Variants in NTM observed in about 807,000 individuals in gnomAD.
The protein encoded by NTM is IgLON family member 2.
NTM carries 13 observed loss-of-function variants against 42.1 expected under a neutral mutation model. The ratio of observed to expected loss-of-function variants is 0.31; its 90% CI spans 0.20 to 0.49. The LOEUF (loss-of-function observed/expected upper bound fraction) is 0.49, where lower values mean the gene tolerates loss of function less well. NTM is among the 20% of genes least tolerant of loss of function. NTM has a pLI of 0.99. For synonymous variants in NTM, 187 were observed against 179.2 expected (o/e 1.04, Z -0.35); for missense variants, 373 against 452.8 (o/e 0.82, Z 1.60).
At chr11:131,475,407 C>T (rs1386796652) in intron 1 of NTM, among the ~76,000 whole-genome samples, 2 of 152,082 alleles carry the variant, frequency 1.3e-5, no homozygotes, top group East Asian at 3.8e-4. Flanking sequence ...TGAGCTCCCA[C>T]ACATGAGAAG....
intron 1 of NTM, among the ~76,000 whole-genome samples, chr11:131,492,343 A>C (rs144840274): frequency 2.6e-5 from 4 of 152,350 alleles, no homozygotes; most frequent in African/African-American, 9.6e-5. Flanking sequence ...GCTGAAAGCC[A>C]ACCCTTGAGT....
intron 1 of NTM, among the ~76,000 whole-genome samples, chr11:131,837,907 T>C (rs777988000): frequency 2.4e-4 from 36 of 152,234 alleles, no homozygotes; most frequent in Non-Finnish European, 4.4e-4. Flanking sequence ...TAATACCAGG[T>C]TTTATACTAA....
At chr11:132,138,339 C>G (rs554414385) in intron 2 of NTM, among the ~76,000 whole-genome samples, 3 of 151,982 alleles carry the variant, frequency 2.0e-5, no homozygotes, top group Non-Finnish European at 4.4e-5. Flanking sequence ...AAAAGCTTGC[C>G]GGTATATGAA....
At chr11:131,862,534 T>C (rs1390092008) in intron 1 of NTM, among the ~76,000 whole-genome samples, 1 of 152,240 alleles carries the variant, frequency 6.6e-6, no homozygotes, top group Non-Finnish European at 1.5e-5. Flanking sequence ...TTGTTATGTA[T>C]GAATCGAGGG....
chr11:132,090,542 T>G (rs1490623172), intron 2 of NTM, among the ~76,000 whole-genome samples: 1 of 152,136 alleles, frequency 6.6e-6, no homozygotes, highest in East Asian at 1.9e-4. Flanking sequence ...CTCTAGCTCT[T>G]CAGTCACTGA....
chr11:132,176,143 A>G (rs1483382021), intron 3 of NTM, among the ~76,000 whole-genome samples: 1 of 152,174 alleles, frequency 6.6e-6, no homozygotes, highest in Admixed American at 6.5e-5. Context: ...GTGTAACTGT[A>G]TGTGGAAGAG....
chr11:132,141,086 G>C (rs1451770101), intron 2 of NTM: 1 of 152,194 alleles, frequency 6.6e-6, no homozygotes, highest in Non-Finnish European at 1.5e-5. Context: ...TTTAAGAAAG[G>C]CCAAGCCTGG....
intron 1 of NTM, among the ~76,000 whole-genome samples, chr11:131,734,128 C>T (rs891525295): frequency 6.6e-6 from 1 of 152,130 alleles, no homozygotes; most frequent in East Asian, 1.9e-4. Context: ...GGAGGAGAGA[C>T]AAGAGAAGAC....
intron 2 of NTM, among the ~76,000 whole-genome samples, chr11:131,926,465 G>C (rs1044147813): frequency 1.2e-4 from 18 of 152,222 alleles, no homozygotes; most frequent in African/African-American, 4.1e-4. Context: ...GCCATGCAGG[G>C]AATAGCGTGC....
chr11:132,096,033 G>C (rs978578621), intron 2 of NTM, among the ~76,000 whole-genome samples: 8 of 152,150 alleles, frequency 5.3e-5, no homozygotes, highest in African/African-American at 1.9e-4. Context: ...CTGCCCCCAG[G>C]CCCCATGATC....
chr11:132,240,469 C>T (rs546374588), intron 4 of NTM, among the ~76,000 whole-genome samples: 2 of 152,322 alleles, frequency 1.3e-5, no homozygotes, highest in Admixed American at 6.5e-5. Context: ...TTTCTTGTAG[C>T]GTCTCCAATT....
intron 1 of NTM, among the ~76,000 whole-genome samples, chr11:131,511,200 T>C (rs1325510264): frequency 6.6e-6 from 1 of 152,176 alleles, no homozygotes; most frequent in Non-Finnish European, 1.5e-5. Flanking sequence ...CAGAGGCATC[T>C]GAGCAGGGAA....
At chr11:131,639,046 A>G (rs2064800555) in intron 1 of NTM, among the ~76,000 whole-genome samples, 1 of 152,240 alleles carries the variant, frequency 6.6e-6, no homozygotes, top group African/African-American at 2.4e-5. Context: ...TGAGACACAG[A>G]GAGGTCAAGT....
chr11:131,844,430 C>T (rs2044669539), intron 1 of NTM, among the ~76,000 whole-genome samples: 1 of 152,140 alleles, frequency 6.6e-6, no homozygotes, highest in Admixed American at 6.5e-5. Flanking sequence ...CCATCCTACT[C>T]TTCAAGTTCA....
At chr11:132,194,847 G>A (rs1033145186) in intron 3 of NTM, among the ~76,000 whole-genome samples, 1 of 135,224 alleles carries the variant, frequency 7.4e-6, no homozygotes, top group African/African-American at 2.7e-5. Context: ...TTCTGAGACA[G>A]GGTCTCACTC....
chr11:131,829,168 A>G (rs1460519466), intron 1 of NTM, among the ~76,000 whole-genome samples: 1 of 151,658 alleles, frequency 6.6e-6, no homozygotes, highest in Admixed American at 6.6e-5. Flanking sequence ...TTTCTGTTTA[A>G]GAGTCACTTA....
intron 2 of NTM, among the ~76,000 whole-genome samples, chr11:132,108,200 C>T (rs930795906): frequency 6.6e-6 from 1 of 152,150 alleles, no homozygotes; most frequent in Non-Finnish European, 1.5e-5. Flanking sequence ...CAAAATATAT[C>T]CCCACTTCAT....
At chr11:131,751,279 AAAATAAAT>A (rs1223466043) in intron 1 of NTM, among the ~76,000 whole-genome samples, 2 of 151,692 alleles carry the variant, frequency 1.3e-5, no homozygotes, top group African/African-American at 4.8e-5. Context: ...ACTAAAATAA[AAAATAAAT>A]AAATAAATAA....
At chr11:131,582,733 C>T (rs967249005) in intron 1 of NTM, among the ~76,000 whole-genome samples, 3 of 152,206 alleles carry the variant, frequency 2.0e-5, no homozygotes, top group African/African-American at 7.2e-5. Context: ...TTGTCAATGT[C>T]ACATTCCCCA....
Sources: allele counts gnomAD v4.1 joint callset (sites outside exome capture counted in the v4.1 genomes callset), GRCh38; gene constraint gnomAD v4.1.1; transcripts MANE v1.5; gene names NCBI Gene and HGNC (gene_info 2026-07-23, HGNC 2026-07-21).